CUL4A: variants seen among roughly 807,000 people sequenced by gnomAD.
CUL4A encodes the protein cullin 4A, also known as cullin-4A.
In CUL4A, 16 loss-of-function variants were observed where a neutral mutation model predicts 95.5. That is an observed-to-expected ratio of 0.17 (90% CI 0.11 to 0.25). CUL4A has a LOEUF of 0.25. Ranked by LOEUF, CUL4A falls within the 10% of genes least tolerant of loss-of-function variation. CUL4A has a pLI of 1.00. For missense variants in CUL4A, 610 were observed against 937.0 expected, an observed-to-expected ratio of 0.65 and a Z score of 4.56; for synonymous variants, 380 against 353.1, an observed-to-expected ratio of 1.08 and a Z score of -0.85.
chr13:113,264,794 AAG>A lies in CUL4A; in HGVS notation c.*1215_*1216del, dbSNP rs1378118852. On this transcript the variant is annotated 3_prime_UTR_variant, in exon 20 of 20. Coordinates refer to ENST00000375440, the MANE Select transcript of CUL4A (RefSeq NM_001008895.4). ...TAATTTGATTTTGTGCTAAATTATT[AAG>A]AGTCTCTTTTTGAAACATGCGGGTT... 1 of 152,672 alleles carries A rather than the reference AAG, an allele frequency of 6.5e-6. No homozygotes were observed. The highest frequency in any genetic ancestry group is 1.5e-5 in the Non-Finnish European group (1 of 68,048). 9.5% of individuals were successfully genotyped at this position (152,672 alleles called of 1,614,324 possible). A position where few individuals can be genotyped will look rare whatever the true frequency, so the allele number is the denominator to read the frequency against.
chr13:113,253,284 G>C, intron 16 of CUL4A, 89 bp downstream of exon 16: 1 of 576,156 alleles, frequency 1.7e-6, no homozygotes, highest in African/African-American at 1.9e-5. Flanking sequence ...AGCAAAAAAG[G>C]AGTGTTTCAC....
At chr13:113,250,780 A>T (rs1409974515) in intron 15 of CUL4A, among the ~76,000 whole-genome samples, 1 of 152,188 alleles carries the variant, frequency 6.6e-6, no homozygotes, top group African/African-American at 2.4e-5. Flanking sequence ...TACATTTCCT[A>T]AAAGAGTTCC....
At chr13:113,246,134 A>G in intron 15 of CUL4A, 71 bp downstream of exon 15, 3 of 1,161,946 alleles carry the variant, frequency 2.6e-6, no homozygotes, top group Non-Finnish European at 3.8e-6. Context: ...TGTTGCCTTC[A>G]AGAATTGTTG....
At position 113,209,958 on chromosome 13, in the gene CUL4A, C is replaced by T. The variant is rs897339361; in HGVS notation, c.149-15C>T. On this transcript the variant is annotated splice_polypyrimidine_tract_variant and intron_variant, in intron 1 of 19. Coordinates refer to ENST00000375440, the MANE Select transcript of CUL4A (RefSeq NM_001008895.4). The stretch of plus-strand genomic sequence containing the variant: ...CGGCGCGCCCTGAGCCGCCCGCTCT[C>T]CCTCCGCCCTGCAGACAGACCTCGG... 65 of 1,491,644 alleles carry T rather than the reference C, an allele frequency of 4.4e-5. No individual in the cohort carries two copies. Among genetic ancestry groups the T allele is most frequent in the Non-Finnish European group, 5.3e-5 (60 of 1,122,156 alleles). The allele number at this position is 1,491,644 out of a possible 1,614,324, so 92.4% of individuals were successfully genotyped here.
intron 14 of CUL4A, among the ~76,000 whole-genome samples, 173 bp from the exon 15 acceptor site, chr13:113,245,783 G>GA (rs533961906): frequency 7.4e-4 from 112 of 152,260 alleles, no homozygotes; most frequent in African/African-American, 2.5e-3. Flanking sequence ...CCTGAAGAAG[G>GA]GAAAAAGGCA....
chr13:113,222,463 G>A (rs375439803), intron 3 of CUL4A, among the ~76,000 whole-genome samples: 18 of 151,896 alleles, frequency 1.2e-4, no homozygotes, highest in East Asian at 7.7e-4. Flanking sequence ...AGGGTCTGTC[G>A]TGGTCACGTT....
At chr13:113,229,385 T>A in intron 4 of CUL4A, 61 bp from the exon 5 acceptor site, 1 of 1,429,250 alleles carries the variant, frequency 7.0e-7, no homozygotes, top group Non-Finnish European at 9.8e-7. Context: ...TTAAAAGGCC[T>A]GATCTTTCAT....
At chr13:113,259,708 T>C (rs924759065) in intron 18 of CUL4A, among the ~76,000 whole-genome samples, 1 of 152,254 alleles carries the variant, frequency 6.6e-6, no homozygotes, top group Non-Finnish European at 1.5e-5. Context: ...ATGGTCATTA[T>C]GTTTTGTTTA....
intron 9 of CUL4A, among the ~76,000 whole-genome samples, chr13:113,239,186 G>A (rs1166052125): frequency 6.6e-6 from 1 of 152,156 alleles, no homozygotes; most frequent in Non-Finnish European, 1.5e-5. Context: ...TGAAATAAGA[G>A]GGCTTCAATG....
In CUL4A at chr13:113,265,127, A is replaced by G. The variant is rs1317999993; in HGVS notation, c.*1545A>G. 1.3e-5 allele frequency: 2 copies of G among 152,258 alleles called. No homozygotes were observed. Among genetic ancestry groups the G allele is most frequent in the African/African-American group, 2.4e-5 (1 of 41,468 alleles). The allele number at this position is 152,258 out of a possible 1,614,324, so 9.4% of individuals were successfully genotyped here. On this transcript the variant is annotated 3_prime_UTR_variant, in exon 20 of 20. Coordinates refer to ENST00000375440, the MANE Select transcript of CUL4A (RefSeq NM_001008895.4). ...AGCTTTGACTACTAGTGCACTAGAC[A>G]GAAGTCAGAGCAGGGAGCACCTGTC...
At chr13:113,211,780 C>G (rs963324201) in intron 2 of CUL4A, among the ~76,000 whole-genome samples, 1 of 152,220 alleles carries the variant, frequency 6.6e-6, no homozygotes, top group African/African-American at 2.4e-5. Context: ...CTGCTTACTT[C>G]TTTATCTAGA....
intron 15 of CUL4A, among the ~76,000 whole-genome samples, chr13:113,250,396 G>C (rs1484321761): frequency 6.6e-6 from 1 of 152,164 alleles, no homozygotes; most frequent in Non-Finnish European, 1.5e-5. Flanking sequence ...AGGCTGCAGT[G>C]AGCTGTGATG....
chr13:113,211,837 G>A (rs558855101), intron 2 of CUL4A, among the ~76,000 whole-genome samples: 3 of 152,224 alleles, frequency 2.0e-5, no homozygotes, highest in East Asian at 1.9e-4. Flanking sequence ...AACTTTGTAC[G>A]GAATTTCTTG....
chr13:113,214,312 C>T (rs1382587351), intron 2 of CUL4A, among the ~76,000 whole-genome samples: 1 of 152,104 alleles, frequency 6.6e-6, no homozygotes, highest in Admixed American at 6.5e-5. Flanking sequence ...ATTGAACGAC[C>T]TGAATTTCGG....
chr13:113,219,277 A>G (rs1032390621), intron 3 of CUL4A: 2 of 417,530 alleles, frequency 4.8e-6, no homozygotes, highest in Admixed American at 4.1e-5. Context: ...GTATTTAGGA[A>G]ATGTTCTGAA....
At chr13:113,237,114 C>A (rs1009035531) in intron 9 of CUL4A, among the ~76,000 whole-genome samples, 2 of 152,134 alleles carry the variant, frequency 1.3e-5, no homozygotes, top group Non-Finnish European at 2.9e-5. Flanking sequence ...ACTGCTAAAA[C>A]CCCAGTGGCA....
At chr13:113,218,705 G>C (rs543508798) in intron 2 of CUL4A, among the ~76,000 whole-genome samples, 2 of 152,340 alleles carry the variant, frequency 1.3e-5, no homozygotes, top group South Asian at 4.1e-4. Context: ...CAGGTGCAAT[G>C]TGCCCACATT....
chr13:113,243,337 A>G (rs894158199), intron 11 of CUL4A, among the ~76,000 whole-genome samples, 177 bp downstream of exon 11: 16 of 152,130 alleles, frequency 1.1e-4, no homozygotes, highest in African/African-American at 3.9e-4. Context: ...AAAAACCGAC[A>G]CACCTGCATG....
intron 18 of CUL4A, among the ~76,000 whole-genome samples, chr13:113,258,057 G>C (rs540505776): frequency 3.9e-5 from 6 of 152,124 alleles, no homozygotes; most frequent in Non-Finnish European, 8.8e-5. Context: ...GCCCAGGCTG[G>C]AGTGCAGTGG....
Sources: gnomAD v4.1 joint callset for allele counts (sites outside exome capture counted in the v4.1 genomes callset) on GRCh38, gnomAD v4.1.1 for gene constraint, MANE v1.5 for transcripts, NCBI Gene and HGNC (gene_info 2026-07-23, HGNC 2026-07-21) for gene names.